TMEM178B: variants seen among roughly 807,000 people sequenced by gnomAD.
TMEM178B encodes the protein transmembrane protein 178B.
In TMEM178B, 5 loss-of-function variants were observed where a neutral mutation model predicts 31.0. The ratio of observed to expected loss-of-function variants is 0.16; its 90% CI spans 0.08 to 0.34. The LOEUF is 0.34. Among genes scored for constraint, TMEM178B ranks in the 10% least tolerant of loss-of-function variants. The probability of loss-of-function intolerance (pLI) is 1.00; values close to 1 mark genes in which losing one functional copy is unlikely to be tolerated. For missense variants in TMEM178B, 275 were observed against 400.3 expected (o/e 0.69, Z 2.67); for synonymous variants, 164 against 164.0 (o/e 1.00, Z 0.00).
At chr7:141,346,909 G>A (rs577913011) in intron 2 of TMEM178B, among the ~76,000 whole-genome samples, 6 of 152,280 alleles carry the variant, frequency 3.9e-5, no homozygotes, top group Admixed American at 2.6e-4. Context: ...GGGCCTGATG[G>A]GAGGTAATTG....
intron 1 of TMEM178B, among the ~76,000 whole-genome samples, chr7:141,099,832 C>CT (rs11372173): frequency 0.8 from 113,513 of 141,838 alleles, 45,533 homozygotes; most frequent in East Asian, 0.95. Flanking sequence ...AACGGTGTCT[C>CT]TTTTTTTTTT....
rs56316531 is a variant in TMEM178B, at chr7:141,324,416, G to GTT, written c.496+111748_496+111749dup. 3.6e-3 allele frequency among the ~76,000 whole-genome samples: 305 copies of GTT among 85,744 alleles called. 68 individuals carry two copies. The highest frequency in any genetic ancestry group is 5.4e-3 in the Non-Finnish European group (227 of 41,976). The allele number at this position is 85,744 out of a possible 152,430, so 56.3% of individuals were successfully genotyped here. ...TGTGAGAGCAAGAGAGGAGACCAGGGTTTTTTTTTTTTTTTTTTTTTTTTT... is the reference window on the plus strand; with the variant it reads ...TGTGAGAGCAAGAGAGGAGACCAGGGTTTTTTTTTTTTTTTTTTTTTTTTTTT... On this transcript the variant is annotated intron_variant, in intron 2 of 3. Coordinates refer to ENST00000565468, the MANE Select transcript of TMEM178B (RefSeq NM_001195278.2).
At chr7:141,278,531 C>G (rs1216941635) in intron 2 of TMEM178B, among the ~76,000 whole-genome samples, 2 of 88,486 alleles carry the variant, frequency 2.3e-5, no homozygotes, top group Non-Finnish European at 3.9e-5. Flanking sequence ...TGTAGCGAGC[C>G]AAGATTGTGC....
At chr7:141,274,370 T>A (rs1798233080) in intron 2 of TMEM178B, among the ~76,000 whole-genome samples, 1 of 152,206 alleles carries the variant, frequency 6.6e-6, no homozygotes, top group Admixed American at 6.5e-5. Flanking sequence ...CTCCTCTGTG[T>A]GTGTTCTGGT....
intron 2 of TMEM178B, among the ~76,000 whole-genome samples, chr7:141,296,079 T>C (rs1289960877): frequency 1.8e-4 from 27 of 152,110 alleles, no homozygotes; most frequent in East Asian, 1.9e-4. Flanking sequence ...CAGTACTTTT[T>C]TTTTTTTTGA....
At chr7:141,330,365 A>G (rs562310910) in intron 2 of TMEM178B, among the ~76,000 whole-genome samples, 7 of 152,242 alleles carry the variant, frequency 4.6e-5, no homozygotes, top group Admixed American at 6.5e-5. Context: ...TATAAGTGAG[A>G]ACATATGGTG....
chr7:141,236,202 T>C (rs1278667030), intron 2 of TMEM178B, among the ~76,000 whole-genome samples: 1 of 152,080 alleles, frequency 6.6e-6, no homozygotes, highest in Non-Finnish European at 1.5e-5. Flanking sequence ...CAGAGAGGGT[T>C]TGTATTGAGT....
chr7:141,249,707 T>A (rs1797798946), intron 2 of TMEM178B, among the ~76,000 whole-genome samples: 1 of 152,198 alleles, frequency 6.6e-6, no homozygotes, highest in Non-Finnish European at 1.5e-5. Flanking sequence ...GAAGGAGGCT[T>A]CCTTCCACTT....
Position 141,422,451 on chromosome 7 carries a change from G to A in TMEM178B, c.497-15157G>A, listed in dbSNP as rs540365957. Among the ~76,000 whole-genome samples the A allele has an allele frequency of 4.6e-5, 7 of 152,326 alleles. No homozygotes were observed. The East Asian group carries it at 5.8e-4, about 13-fold the overall frequency. ...GGAGACTCTTCTTGTTGGTGTGATC[G>A]TACGCTAATGGGCAAAGCTGTAGGA... On this transcript the variant is annotated intron_variant, in intron 2 of 3. Coordinates refer to ENST00000565468, the MANE Select transcript of TMEM178B (RefSeq NM_001195278.2). The surrounding 1 kb of genome is among the most constrained non-coding windows in gnomAD (Gnocchi z 4.2).
rs367566885 is a variant in TMEM178B, at chr7:141,227,731, C to A, written c.496+15027C>A. Among the ~76,000 whole-genome samples, 68 of 152,242 alleles carry A rather than the reference C, an allele frequency of 4.5e-4. 1 individual carries two copies. The South Asian group carries it at 0.013, about 30-fold the overall frequency. On this transcript the variant is annotated intron_variant, in intron 2 of 3. Transcript: ENST00000565468. ...CTCTCAGCAGGGGATATGAACTTCG[C>A]AAAATAGGGAGGTGAGGTCACCTGC...
intron 1 of TMEM178B, among the ~76,000 whole-genome samples, chr7:141,109,212 T>C (rs1367421359): frequency 6.6e-6 from 1 of 151,858 alleles, no homozygotes; most frequent in African/African-American, 2.4e-5. Flanking sequence ...ATGAGAGGCA[T>C]GGGAATGGAG....
intron 2 of TMEM178B, among the ~76,000 whole-genome samples, chr7:141,349,549 A>G (rs1263345622): frequency 6.6e-6 from 1 of 152,214 alleles, no homozygotes; most frequent in Admixed American, 6.5e-5. Flanking sequence ...AAAACAGACA[A>G]AGATCCCTGT....
At position 141,241,372 on chromosome 7, in the gene TMEM178B, A is replaced by AC. The variant is rs1797616042; in HGVS notation, c.496+28670dup. The stretch of plus-strand genomic sequence containing the variant: ...TTTGGGAGGCTGAGGTGGGCGGATC[A>AC]CCTGAGGTCAGGAGCTCAAGACCAG... On this transcript the variant is annotated intron_variant, in intron 2 of 3. Coordinates refer to ENST00000565468, the MANE Select transcript of TMEM178B (RefSeq NM_001195278.2). Among the ~76,000 whole-genome samples, 7 of 152,066 alleles carry AC rather than the reference A, an allele frequency of 4.6e-5. 1 individual carries two copies. In the South Asian group the frequency reaches 1.5e-3, roughly 32 times the overall value.
intron 2 of TMEM178B, among the ~76,000 whole-genome samples, chr7:141,220,398 C>T (rs902575730): frequency 2.0e-5 from 3 of 151,764 alleles, no homozygotes; most frequent in Admixed American, 6.6e-5. Flanking sequence ...CTGTGGGTCC[C>T]ACCTACTTAG....
chr7:141,174,801 A>G (rs1305183899), intron 1 of TMEM178B, among the ~76,000 whole-genome samples: 8 of 152,094 alleles, frequency 5.3e-5, no homozygotes, highest in East Asian at 1.9e-4. Flanking sequence ...CCACTTTTTG[A>G]TGGGGTTGTC....
intron 1 of TMEM178B, among the ~76,000 whole-genome samples, chr7:141,105,564 A>T (rs1167970984): frequency 1.3e-5 from 2 of 152,124 alleles, no homozygotes; most frequent in African/African-American, 2.4e-5. Flanking sequence ...TTTAGCTACA[A>T]ATAGAAATGC....
chr7:141,081,616 A>G (rs1794686731), intron 1 of TMEM178B, among the ~76,000 whole-genome samples: 1 of 152,028 alleles, frequency 6.6e-6, no homozygotes, highest in South Asian at 2.1e-4. Context: ...AGCCTGGGTA[A>G]CAATAGTGAA....
At chr7:141,249,659 C>CCTTGTG (rs1160846) in intron 2 of TMEM178B, among the ~76,000 whole-genome samples, 127,340 of 151,542 alleles carry the variant, frequency 0.84, 53,919 homozygotes, top group East Asian at 0.99. Context: ...AAAAGGGGCT[C>CCTTGTG]ATGTGCCTGG....
chr7:141,130,244 C>T (rs1307957747), intron 1 of TMEM178B, among the ~76,000 whole-genome samples: 2 of 152,104 alleles, frequency 1.3e-5, no homozygotes, highest in Non-Finnish European at 2.9e-5. Context: ...TGTAGATTTT[C>T]TTCTTTGTCA....
Sources: allele counts gnomAD v4.1 joint callset (sites outside exome capture counted in the v4.1 genomes callset), GRCh38; gene constraint gnomAD v4.1.1; non-coding constraint Gnocchi (gnomAD v3.1); transcripts MANE v1.5; gene names NCBI Gene and HGNC (gene_info 2026-07-23, HGNC 2026-07-21).